The following AMPH variants were observed in gnomAD, a reference collection of about 807,000 sequenced individuals.
AMPH encodes amphiphysin, also known as amphiphysin (Stiff-Mann syndrome with breast cancer 128kD autoantigen).
A neutral mutation model predicts 99.1 loss-of-function variants in AMPH; 49 were observed. The ratio of observed to expected loss-of-function variants is 0.49; its 90% CI spans 0.39 to 0.63. AMPH has a LOEUF of 0.63. Among genes scored for constraint, AMPH ranks in the 20% least tolerant of loss-of-function variants. AMPH has a pLI of 0.00. For synonymous variants in AMPH, 314 were observed against 317.3 expected, an observed-to-expected ratio of 0.99 and a Z score of 0.11; for missense variants, 759 against 863.4, an observed-to-expected ratio of 0.88 and a Z score of 1.52.
intron 2 of AMPH, among the ~76,000 whole-genome samples, chr7:38,534,049 T>C (rs1790506879): frequency 6.6e-6 from 1 of 152,234 alleles, no homozygotes; most frequent in African/African-American, 2.4e-5. Flanking sequence ...TCTTTTTCAT[T>C]GTCATCTCCC....
chr7:38,449,328 C>T (rs896511677), intron 11 of AMPH, among the ~76,000 whole-genome samples: 1 of 152,202 alleles, frequency 6.6e-6, no homozygotes, highest in African/African-American at 2.4e-5. Flanking sequence ...ATTCTGCTTT[C>T]CACTTCTGCA....
chr7:38,543,705 T>C (rs1016362930), intron 1 of AMPH, among the ~76,000 whole-genome samples: 1 of 152,218 alleles, frequency 6.6e-6, no homozygotes, highest in Non-Finnish European at 1.5e-5. Context: ...ACCAAGTTTA[T>C]GTAAGGCTAG....
chr7:38,557,713 G>C (rs1235728200), intron 1 of AMPH, among the ~76,000 whole-genome samples: 4 of 152,076 alleles, frequency 2.6e-5, no homozygotes, highest in Non-Finnish European at 4.4e-5. Context: ...CTGTGAACAA[G>C]ACAAAGGCCC....
intron 2 of AMPH, among the ~76,000 whole-genome samples, chr7:38,520,992 C>T (rs1328290258): frequency 6.6e-6 from 1 of 152,176 alleles, no homozygotes; most frequent in African/African-American, 2.4e-5. Flanking sequence ...CAGTTGAGCT[C>T]TGCCAAAAAC....
At chr7:38,505,653 T>C (rs2129028201) in intron 2 of AMPH, among the ~76,000 whole-genome samples, 1 of 152,230 alleles carries the variant, frequency 6.6e-6, no homozygotes, top group African/African-American at 2.4e-5. Context: ...TAGAAAACTA[T>C]TTCCAGAGAG....
At chr7:38,574,748 A>G (rs377240974) in intron 1 of AMPH, among the ~76,000 whole-genome samples, 160 of 152,178 alleles carry the variant, frequency 1.1e-3, no homozygotes, top group African/African-American at 3.7e-3. Context: ...ATTCAATACT[A>G]TTACCTTAAT....
chr7:38,509,272 T>A (rs1789449371), intron 2 of AMPH, among the ~76,000 whole-genome samples: 1 of 151,870 alleles, frequency 6.6e-6, no homozygotes, highest in Admixed American at 6.6e-5. Context: ...AGGCAGGGAG[T>A]GCATGGAAGG....
rs2129009064 is a variant in AMPH at position 38,463,200 on chromosome 7, AAG to A, written c.750-89_750-88del. 2.6e-6 allele frequency: 4 copies of A among 1,568,618 alleles called. No individual in the cohort carries two copies. The East Asian group carries it at 9.0e-5, about 35-fold the overall frequency. On this transcript the variant is annotated intron_variant, in intron 9 of 20. Coordinates refer to ENST00000356264, the MANE Select transcript of AMPH (RefSeq NM_001635.4). ...GGTTTTCCATTTCAGAGAAACCCAG[AAG>A]CCTAACAGGTACTGTCTGTTGTCCT... is the stretch of plus-strand genomic sequence containing the variant.
At chr7:38,620,135 A>G (rs1794001035) in intron 1 of AMPH, among the ~76,000 whole-genome samples, 1 of 152,124 alleles carries the variant, frequency 6.6e-6, no homozygotes, top group African/African-American at 2.4e-5. Flanking sequence ...ATTCCTTCCA[A>G]GCTGCAAATC....
At chr7:38,564,673 C>G (rs995938586) in intron 1 of AMPH, among the ~76,000 whole-genome samples, 18 of 152,158 alleles carry the variant, frequency 1.2e-4, no homozygotes, top group Non-Finnish European at 2.5e-4. Context: ...AAGTGAATTA[C>G]CATCTACAGG....
At chr7:38,554,388 G>A (rs1791288735) in intron 1 of AMPH, among the ~76,000 whole-genome samples, 1 of 151,746 alleles carries the variant, frequency 6.6e-6, no homozygotes, top group African/African-American at 2.4e-5. Context: ...AAGTCACAAT[G>A]TGATTTAGCC....
At chr7:38,541,168 A>C (rs2129042693) in intron 1 of AMPH, among the ~76,000 whole-genome samples, 1 of 152,110 alleles carries the variant, frequency 6.6e-6, no homozygotes, top group African/African-American at 2.4e-5. Context: ...CCATGTCCAG[A>C]TGATTCATTC....
chr7:38,572,510 A>C (rs1243251965), intron 1 of AMPH, among the ~76,000 whole-genome samples: 10 of 152,202 alleles, frequency 6.6e-5, no homozygotes, highest in Admixed American at 6.5e-4. Flanking sequence ...GCAGGGGCTG[A>C]AAAGCCAATA....
chr7:38,406,521 G>A (rs890288777), intron 17 of AMPH, among the ~76,000 whole-genome samples: 3 of 152,098 alleles, frequency 2.0e-5, no homozygotes, highest in Admixed American at 1.3e-4. Context: ...ATGCCTAGAT[G>A]GTTGGTGAAG....
chr7:38,547,397 A>G (rs1791030478), intron 1 of AMPH, among the ~76,000 whole-genome samples: 1 of 152,074 alleles, frequency 6.6e-6, no homozygotes, highest in Admixed American at 6.5e-5. Context: ...CGGTGCAGAA[A>G]CAAACTGGTA....
chr7:38,474,776 G>A (rs1016116887), intron 7 of AMPH, among the ~76,000 whole-genome samples: 8 of 152,124 alleles, frequency 5.3e-5, no homozygotes, highest in African/African-American at 1.7e-4. Flanking sequence ...CAAAATGCAC[G>A]TAATTCCACG....
chr7:38,487,489 G>T (rs1746861915), intron 5 of AMPH, among the ~76,000 whole-genome samples: 1 of 152,050 alleles, frequency 6.6e-6, no homozygotes, highest in Non-Finnish European at 1.5e-5. Flanking sequence ...ACTGAAACTG[G>T]ACCCCTTCTT....
At position 38,422,491 on chromosome 7, in the gene AMPH, A is replaced by T; in HGVS notation, c.1216-14T>A. Reference sequence around the variant, plus strand: ...AGTATCCTGGGGCTGAAAATCAAGGATAAAAATAGAAGATGTTTTTTAAAG... The same window carrying T: ...AGTATCCTGGGGCTGAAAATCAAGGTTAAAAATAGAAGATGTTTTTTAAAG... On this transcript the variant is annotated splice_polypyrimidine_tract_variant and intron_variant, in intron 15 of 20. Coordinates refer to ENST00000356264, the MANE Select transcript of AMPH (RefSeq NM_001635.4). 6.2e-7 allele frequency: 1 copy of T among 1,606,562 alleles called. No homozygotes were observed. Among genetic ancestry groups the T allele is most frequent in the African/African-American group, 1.3e-5 (1 of 74,858 alleles).
intron 11 of AMPH, among the ~76,000 whole-genome samples, chr7:38,459,919 G>T (rs765981620): frequency 6.6e-6 from 1 of 151,968 alleles, no homozygotes; most frequent in African/African-American, 2.4e-5. Context: ...TGTTGAATGG[G>T]AGAAAATATT....
Sources: gnomAD v4.1 joint callset for allele counts (sites outside exome capture counted in the v4.1 genomes callset) on GRCh38, gnomAD v4.1.1 for gene constraint, MANE v1.5 for transcripts, NCBI Gene and HGNC (gene_info 2026-07-23, HGNC 2026-07-21) for gene names.